PRDM11: variants seen among roughly 807,000 people sequenced by gnomAD.
The protein encoded by PRDM11 is PR/SET domain 11, also known as PR domain-containing protein 11.
Under a neutral mutation model 97.8 loss-of-function variants are expected in PRDM11, and 20 were observed. The observed-to-expected ratio is 0.20, with a 90% CI of 0.14 to 0.30. The LOEUF is 0.30. PRDM11 is among the 10% of genes least tolerant of loss of function. The pLI, the probability that PRDM11 is intolerant of heterozygous loss-of-function variation, is 1.00. For missense variants in PRDM11, 1,139 were observed against 1,555.2 expected (o/e 0.73, Z 4.50); for synonymous variants, 599 against 637.7 (o/e 0.94, Z 0.91).
intron 1 of PRDM11, among the ~76,000 whole-genome samples, chr11:45,176,809 A>C (rs912980883): frequency 2.6e-5 from 4 of 152,226 alleles, no homozygotes; most frequent in Admixed American, 2.6e-4. Flanking sequence ...CCCTATAATA[A>C]TTCCAAGCCC....
At chr11:45,190,552 G>A (rs1301023061) in intron 4 of PRDM11, among the ~76,000 whole-genome samples, 2 of 150,412 alleles carry the variant, frequency 1.3e-5, no homozygotes, top group Non-Finnish European at 3.0e-5. Flanking sequence ...AGAGCAAGGT[G>A]TTCTTCTATA....
intron 1 of PRDM11, among the ~76,000 whole-genome samples, chr11:45,157,704 G>A (rs1485755009): frequency 6.6e-6 from 1 of 152,248 alleles, no homozygotes; most frequent in Non-Finnish European, 1.5e-5. Flanking sequence ...GGTGTGAGCA[G>A]CATGGCCTTT....
At chr11:45,176,245 C>T (rs1358031175) in intron 1 of PRDM11, among the ~76,000 whole-genome samples, 6 of 151,946 alleles carry the variant, frequency 3.9e-5, no homozygotes, top group Admixed American at 6.6e-5. Flanking sequence ...GGTGTGGTGG[C>T]AGGTACCTGT....
intron 7 of PRDM11, 86 bp from the exon 8 acceptor site, chr11:45,225,909 T>C (rs892792938): frequency 2.6e-5 from 37 of 1,414,936 alleles, no homozygotes; most frequent in Non-Finnish European, 3.0e-5. Flanking sequence ...GTGTGGCACC[T>C]ACCTTCCAGG....
At chr11:45,208,822 C>T in intron 5 of PRDM11, 1 of 384,072 alleles carries the variant, frequency 2.6e-6, no homozygotes, top group East Asian at 7.4e-5. Context: ...GGAGAACCAC[C>T]TGCATTGACG....
intron 1 of PRDM11, among the ~76,000 whole-genome samples, chr11:45,153,548 G>A (rs778432104): frequency 2.6e-5 from 4 of 152,224 alleles, no homozygotes; most frequent in Non-Finnish European, 5.9e-5. Context: ...GGAGGCATGG[G>A]GGTCCTCTCA....
chr11:45,146,754 C>T lies in PRDM11; in HGVS notation c.-130C>T. 6.8e-6 allele frequency: 1 copy of T among 147,820 alleles called. No individual in the cohort carries two copies. Among genetic ancestry groups the T allele is most frequent in the South Asian group, 2.0e-4 (1 of 5,020 alleles). 9.2% of individuals were successfully genotyped at this position (147,820 alleles called of 1,614,324 possible). The stretch of plus-strand genomic sequence containing the variant: ...AACTTTGCCTCGCCGGGGACCAGCG[C>T]GCCCGCAGCGCGGCCGCTCCCTCCG... On this transcript the variant is annotated 5_prime_UTR_variant, in exon 1 of 8. Coordinates refer to ENST00000683152, the MANE Select transcript of PRDM11 (RefSeq NM_001384648.1).
intron 1 of PRDM11, among the ~76,000 whole-genome samples, chr11:45,166,179 C>T (rs979713519): frequency 5.9e-5 from 9 of 152,178 alleles, no homozygotes; most frequent in African/African-American, 2.2e-4. Context: ...ACAGTTGGAT[C>T]CAGGGGCTTA....
chr11:45,188,150 C>T (rs1349210047), intron 4 of PRDM11, among the ~76,000 whole-genome samples: 3 of 152,186 alleles, frequency 2.0e-5, no homozygotes, highest in African/African-American at 7.2e-5. Context: ...ATGCACTCTA[C>T]TCTGTAGAAA....
At chr11:45,140,949 T>C (rs1005426090) in intron 1 of PRDM11, among the ~76,000 whole-genome samples, 35 of 152,054 alleles carry the variant, frequency 2.3e-4, no homozygotes, top group African/African-American at 7.5e-4. Flanking sequence ...CTCAACACCA[T>C]TGAGGACTTC....
intron 1 of PRDM11, among the ~76,000 whole-genome samples, chr11:45,107,415 G>A (rs972898429): frequency 2.6e-5 from 4 of 152,166 alleles, no homozygotes; most frequent in African/African-American, 7.2e-5. Flanking sequence ...CACACAAAAC[G>A]ACCCTTGAGA....
At chr11:45,158,674 G>A (rs1470453300) in intron 1 of PRDM11, among the ~76,000 whole-genome samples, 2 of 152,140 alleles carry the variant, frequency 1.3e-5, no homozygotes, top group East Asian at 3.9e-4. Flanking sequence ...CTCCCTGACG[G>A]GAGCTGGGGA....
At chr11:45,150,915 C>T (rs530138527) in intron 1 of PRDM11, among the ~76,000 whole-genome samples, 1 of 152,320 alleles carries the variant, frequency 6.6e-6, no homozygotes, top group African/African-American at 2.4e-5. Context: ...TTCTGTTTCA[C>T]AGATTGAGAG....
intron 4 of PRDM11, among the ~76,000 whole-genome samples, chr11:45,184,074 C>T (rs541373168): frequency 1.3e-5 from 2 of 152,206 alleles, no homozygotes; most frequent in Non-Finnish European, 2.9e-5. Context: ...AGCCTTCCTG[C>T]TAGTTGAGCT....
chr11:45,206,279 C>T (rs7940871), intron 5 of PRDM11, among the ~76,000 whole-genome samples: 36,945 of 152,076 alleles, frequency 0.24, 4,858 homozygotes, highest in South Asian at 0.3. Flanking sequence ...GTTTTTGCAC[C>T]GAGGCACAAT....
At chr11:45,209,102 C>T (rs1237697537) in intron 5 of PRDM11, 1 of 456,598 alleles carries the variant, frequency 2.2e-6, no homozygotes, top group Non-Finnish European at 4.4e-6. Flanking sequence ...GATGGGATGA[C>T]ATGAAACGGA....
In PRDM11 at chr11:45,231,392, T is replaced by C. The variant is rs1009607822; in HGVS notation, c.*3233T>C. 1.1e-4 allele frequency: 16 copies of C among 152,130 alleles called. No individual in the cohort carries two copies. The highest frequency in any genetic ancestry group is 4.2e-4 in the South Asian group (2 of 4,814). The allele number at this position is 152,130 out of a possible 1,614,324, so 9.4% of individuals were successfully genotyped here. On this transcript the variant is annotated 3_prime_UTR_variant, in exon 8 of 8. Transcript: ENST00000683152. The stretch of plus-strand genomic sequence containing the variant: ...CTTGGCTAACCTAATCTCCCCTTGA[T>C]GTGTATACAGAACTGTGGAAAAGCA...
At chr11:45,105,612 G>A (rs980480971) in intron 1 of PRDM11, among the ~76,000 whole-genome samples, 12 of 152,242 alleles carry the variant, frequency 7.9e-5, no homozygotes, top group Non-Finnish European at 1.5e-4. Flanking sequence ...CAGAGCCATG[G>A]AAGCAGCTGG....
At chr11:45,173,839 A>G (rs1283191213) in intron 1 of PRDM11, among the ~76,000 whole-genome samples, 2 of 152,152 alleles carry the variant, frequency 1.3e-5, no homozygotes, top group Non-Finnish European at 2.9e-5. Context: ...AGAGGTCCCC[A>G]TATGGGAGTT....
Sources: gnomAD v4.1 joint callset for allele counts (sites outside exome capture counted in the v4.1 genomes callset) on GRCh38, gnomAD v4.1.1 for gene constraint, MANE v1.5 for transcripts, NCBI Gene and HGNC (gene_info 2026-07-23, HGNC 2026-07-21) for gene names.